Variants in DCC observed in about 807,000 individuals in gnomAD.
DCC encodes the protein DCC netrin 1 receptor.
In DCC, 58 loss-of-function variants were observed where a neutral mutation model predicts 172.5. That is an observed-to-expected ratio of 0.34 (90% confidence interval 0.27 to 0.42). The LOEUF is 0.42. DCC is among the 10% of genes least tolerant of loss of function. The pLI, the probability that DCC is intolerant of heterozygous loss-of-function variation, is 1.00. For missense variants in DCC, 1,740 were observed against 1,791.0 expected (o/e 0.97, Z 0.51); for synonymous variants, 709 against 644.5 (o/e 1.10, Z -1.52).
chr18:53,464,031 G>A (rs1027075424), intron 24 of DCC, among the ~76,000 whole-genome samples: 1 of 152,166 alleles, frequency 6.6e-6, no homozygotes, highest in Non-Finnish European at 1.5e-5. Context: ...AATAGAGGAT[G>A]CCACTAAAAT....
chr18:53,059,738 A>G (rs1419468927), intron 5 of DCC, among the ~76,000 whole-genome samples: 1 of 152,118 alleles, frequency 6.6e-6, no homozygotes, highest in Non-Finnish European at 1.5e-5. Flanking sequence ...TTTTGTAGAT[A>G]TATCATTTCC....
chr18:53,334,589 C>A (rs72925397), intron 14 of DCC, among the ~76,000 whole-genome samples: 1 of 152,026 alleles, frequency 6.6e-6, no homozygotes. Context: ...GCCAACCTCC[C>A]CAACCCCCAG....
chr18:53,284,072 G>A (rs1362437884), intron 12 of DCC, among the ~76,000 whole-genome samples: 1 of 152,096 alleles, frequency 6.6e-6, no homozygotes, highest in East Asian at 1.9e-4. Context: ...ATTTTATGCT[G>A]AGATTAACCA....
chr18:53,414,029 A>G (rs566048162), intron 20 of DCC, among the ~76,000 whole-genome samples: 15 of 152,298 alleles, frequency 9.8e-5, no homozygotes, highest in African/African-American at 3.6e-4. Context: ...ATAATAAAAC[A>G]CTATAATAAA....
intron 2 of DCC, among the ~76,000 whole-genome samples, chr18:52,789,120 G>GTTATT (rs1555662231): frequency 6.6e-5 from 10 of 152,086 alleles, no homozygotes; most frequent in Non-Finnish European, 1.3e-4. Context: ...CCACACTAAA[G>GTTATT]CTCTATCATG....
chr18:52,763,207 T>C (rs1229793221), intron 2 of DCC, among the ~76,000 whole-genome samples: 2 of 152,312 alleles, frequency 1.3e-5, no homozygotes, highest in South Asian at 4.1e-4. Flanking sequence ...TTTACTAAGA[T>C]TTTACCTGAA....
At chr18:53,304,119 C>T (rs2057172202) in intron 12 of DCC, among the ~76,000 whole-genome samples, 1 of 152,116 alleles carries the variant, frequency 6.6e-6, no homozygotes, top group African/African-American at 2.4e-5. Context: ...CTAGTCTGCT[C>T]ATTTGCTTGT....
At chr18:53,398,258 G>C (rs1008164589) in intron 18 of DCC, among the ~76,000 whole-genome samples, 7 of 152,022 alleles carry the variant, frequency 4.6e-5, no homozygotes, top group Admixed American at 4.6e-4. Flanking sequence ...CTTTCCATTA[G>C]AATTTGTCCC....
intron 1 of DCC, among the ~76,000 whole-genome samples, chr18:52,362,452 C>T (rs185412083): frequency 1.3e-5 from 2 of 152,254 alleles, no homozygotes; most frequent in Non-Finnish European, 2.9e-5. Context: ...ACAAAAAGAT[C>T]GGGGATAAGT....
intron 1 of DCC, among the ~76,000 whole-genome samples, chr18:52,519,476 CAT>C (rs1292390963): frequency 4.6e-5 from 7 of 152,164 alleles, no homozygotes; most frequent in Non-Finnish European, 7.4e-5. Context: ...TTTGAAAAGA[CAT>C]GTGCAATAGT....
intron 12 of DCC, among the ~76,000 whole-genome samples, chr18:53,274,229 G>A (rs1377723353): frequency 6.6e-6 from 1 of 152,028 alleles, no homozygotes; most frequent in Non-Finnish European, 1.5e-5. Flanking sequence ...CAACATGTGA[G>A]AGGGCTGTTA....
intron 1 of DCC, among the ~76,000 whole-genome samples, chr18:52,616,765 C>G (rs2034389573): frequency 6.6e-6 from 1 of 151,930 alleles, no homozygotes; most frequent in African/African-American, 2.4e-5. Flanking sequence ...GTGTTATTTG[C>G]CCTAGAATCA....
At chr18:53,160,177 T>C (rs1292495295) in intron 8 of DCC, among the ~76,000 whole-genome samples, 4 of 152,188 alleles carry the variant, frequency 2.6e-5, no homozygotes, top group Non-Finnish European at 5.9e-5. Flanking sequence ...ATCCTAAGCA[T>C]CAATCCTCTA....
chr18:52,692,197 T>A (rs769010148), intron 1 of DCC, among the ~76,000 whole-genome samples: 1 of 152,174 alleles, frequency 6.6e-6, no homozygotes, highest in Admixed American at 6.6e-5. Flanking sequence ...GTAATGATAT[T>A]CTTTGACAGG....
intron 1 of DCC, among the ~76,000 whole-genome samples, chr18:52,407,308 G>A (rs541389296): frequency 6.6e-6 from 1 of 152,122 alleles, no homozygotes; most frequent in Non-Finnish European, 1.5e-5. Context: ...ATATGAGATA[G>A]TTTTACTAGA....
intron 7 of DCC, among the ~76,000 whole-genome samples, chr18:53,068,763 C>A (rs569949167): frequency 3.8e-5 from 5 of 130,822 alleles, no homozygotes; most frequent in South Asian, 2.3e-4. Context: ...CCAAGAAAAC[C>A]TTTTAGACTG....
chr18:52,854,385 T>C (rs1305073153), intron 2 of DCC, among the ~76,000 whole-genome samples: 2 of 152,124 alleles, frequency 1.3e-5, no homozygotes, highest in South Asian at 4.1e-4. Flanking sequence ...ATGGGGAAGA[T>C]GGAGATAGAG....
chr18:52,938,519 C>T (rs937973726), intron 5 of DCC, among the ~76,000 whole-genome samples: 9 of 151,898 alleles, frequency 5.9e-5, no homozygotes, highest in African/African-American at 1.7e-4. Flanking sequence ...TTGAGGGGAG[C>T]TCAAGAATCA....
intron 12 of DCC, among the ~76,000 whole-genome samples, chr18:53,218,249 A>G (rs115019952): frequency 0.031 from 4,751 of 152,190 alleles, 265 homozygotes; most frequent in African/African-American, 0.11. Flanking sequence ...ATAGAGCACA[A>G]TTGATTTTTT....
Sources: gnomAD v4.1 joint callset for allele counts (sites outside exome capture counted in the v4.1 genomes callset) on GRCh38, gnomAD v4.1.1 for gene constraint, MANE v1.5 for transcripts, NCBI Gene and HGNC (gene_info 2026-07-23, HGNC 2026-07-21) for gene names.